Variants in PREX2 observed in about 807,000 individuals in gnomAD.
PREX2 encodes phosphatidylinositol 3,4,5-trisphosphate-dependent Rac exchanger 2 protein.
Under a neutral mutation model 203.2 loss-of-function variants are expected in PREX2, and 107 were observed. The ratio of observed to expected loss-of-function variants is 0.53; its 90% confidence interval spans 0.45 to 0.62. PREX2 has a LOEUF of 0.62. PREX2 is among the 20% of genes least tolerant of loss of function. The pLI is 0.00. For synonymous variants in PREX2, 672 were observed against 663.6 expected (o/e 1.01, Z -0.19); for missense variants, 1,777 against 1,955.9 (o/e 0.91, Z 1.72).
intron 33 of PREX2, among the ~76,000 whole-genome samples, chr8:68,139,369 A>C (rs1288473056): frequency 6.6e-6 from 1 of 152,104 alleles, no homozygotes; most frequent in Non-Finnish European, 1.5e-5. Context: ...CTGGGAGCAG[A>C]CATGGCATGC....
intron 8 of PREX2, among the ~76,000 whole-genome samples, chr8:68,047,948 T>G (rs1371153697): frequency 6.6e-6 from 1 of 152,040 alleles, no homozygotes; most frequent in Non-Finnish European, 1.5e-5. Flanking sequence ...TTCATAATAC[T>G]TAATGACTTG....
chr8:68,169,439 G>A (rs7836016), intron 35 of PREX2, among the ~76,000 whole-genome samples: 3,383 of 152,116 alleles, frequency 0.022, 144 homozygotes, highest in African/African-American at 0.077. Context: ...TGGAACAGAC[G>A]TGGAACAGGC....
intron 35 of PREX2, among the ~76,000 whole-genome samples, chr8:68,178,634 G>A (rs2129614388): frequency 6.6e-6 from 1 of 152,040 alleles, no homozygotes; most frequent in Non-Finnish European, 1.5e-5. Flanking sequence ...CACTGCATAT[G>A]CCAATATTTA....
At chr8:68,216,396 G>A (rs1812838878) in intron 37 of PREX2, among the ~76,000 whole-genome samples, 1 of 152,096 alleles carries the variant, frequency 6.6e-6, no homozygotes, top group South Asian at 2.1e-4. Flanking sequence ...CTACAGGGAG[G>A]TAAATGCAAA....
At position 68,047,512 on chromosome 8, in the gene PREX2, T is replaced by C. The variant is rs938433425; in HGVS notation, c.943+2922T>C. 5.6e-4 allele frequency among the ~76,000 whole-genome samples: 63 copies of C among 113,256 alleles called. 2 individuals carry two copies. Among genetic ancestry groups the C allele is most frequent in the African/African-American group, 4.4e-3 (60 of 13,564 alleles). 74.3% of individuals were successfully genotyped at this position (113,256 alleles called of 152,430 possible). A position where few individuals can be genotyped will look rare whatever the true frequency, so the allele number is the denominator to read the frequency against. ...ATATATATATATATATATATACACA[T>C]ACATATATATATATGTATTTTTTTA... On this transcript the variant is annotated intron_variant, in intron 8 of 39. Coordinates refer to ENST00000288368, the MANE Select transcript of PREX2 (RefSeq NM_024870.4).
intron 33 of PREX2, among the ~76,000 whole-genome samples, chr8:68,141,532 G>A (rs923017353): frequency 6.6e-6 from 1 of 152,160 alleles, no homozygotes; most frequent in Non-Finnish European, 1.5e-5. Context: ...TCCTATGAAG[G>A]AAATAAGCAG....
At chr8:68,127,153 A>C (rs1197517311) in intron 30 of PREX2, among the ~76,000 whole-genome samples, 1 of 152,108 alleles carries the variant, frequency 6.6e-6, no homozygotes, top group Non-Finnish European at 1.5e-5. Flanking sequence ...GTAGGCAAAC[A>C]GGCAAGCGTA....
chr8:68,001,261 A>T (rs1806930444), intron 1 of PREX2, among the ~76,000 whole-genome samples: 1 of 152,080 alleles, frequency 6.6e-6, no homozygotes, highest in African/African-American at 2.4e-5. Flanking sequence ...GAACAAACCC[A>T]TTAAAAACTG....
At chr8:68,015,511 G>T (rs1807385880) in intron 1 of PREX2, among the ~76,000 whole-genome samples, 1 of 152,192 alleles carries the variant, frequency 6.6e-6, no homozygotes, top group Admixed American at 6.5e-5. Context: ...ATATTTTGAT[G>T]CATTGTTACT....
intron 1 of PREX2, among the ~76,000 whole-genome samples, chr8:67,977,777 G>T (rs1806149802): frequency 6.6e-6 from 1 of 152,118 alleles, no homozygotes; most frequent in Non-Finnish European, 1.5e-5. Flanking sequence ...AAACCCCAAA[G>T]TACTAGGTTT....
intron 1 of PREX2, among the ~76,000 whole-genome samples, chr8:68,008,995 G>A (rs1807184280): frequency 6.6e-6 from 1 of 152,272 alleles, no homozygotes; most frequent in Middle Eastern, 3.4e-3. Context: ...AATAAAACAA[G>A]TTCATGTTAA....
intron 1 of PREX2, among the ~76,000 whole-genome samples, chr8:67,987,700 A>T (rs1049470265): frequency 1.3e-5 from 2 of 150,614 alleles, no homozygotes; most frequent in African/African-American, 4.9e-5. Context: ...TTCCCCTGCA[A>T]CCTCGCCTGC....
chr8:67,952,466 C>T lies in PREX2; in HGVS notation c.72C>T (p.Arg24=), dbSNP rs149564805. The change falls in exon 1 of 40, where the codon CGC becomes CGT. Residue 24 remains arginine, a synonymous_variant. Coordinates refer to ENST00000288368, the MANE Select transcript of PREX2 (RefSeq NM_024870.4). ...ACCTGGAGAAGCAGCTTCGCCTGCG[C>T]GTGTGCGTGCTCAGCGAGCTCCAGA... ...AKDLEKQLRL[R]VCVLSELQKT... The T allele has an allele frequency of 1.1e-5, 17 of 1,602,876 alleles. No individual in the cohort carries two copies. The highest frequency in any genetic ancestry group is 9.4e-6 in the Non-Finnish European group (11 of 1,175,176).
At chr8:68,201,764 A>G (rs542618094) in intron 37 of PREX2, among the ~76,000 whole-genome samples, 26 of 152,256 alleles carry the variant, frequency 1.7e-4, no homozygotes, top group African/African-American at 5.8e-4. Context: ...ATTAACCATC[A>G]TAGGGCTGAA....
chr8:68,031,229 A>G (rs767511728), intron 6 of PREX2, among the ~76,000 whole-genome samples: 3 of 152,188 alleles, frequency 2.0e-5, no homozygotes, highest in Non-Finnish European at 4.4e-5. Flanking sequence ...GTTTTCAGCT[A>G]ATGGTAACTT....
At chr8:68,109,281 T>G (rs1810484667) in intron 24 of PREX2, 135 bp from the exon 25 acceptor site, 1 of 650,108 alleles carries the variant, frequency 1.5e-6, no homozygotes, top group Admixed American at 3.0e-5. Context: ...CATATATACG[T>G]CAAAACATCA....
intron 13 of PREX2, 135 bp downstream of exon 13, chr8:68,070,019 A>T: frequency 2.2e-6 from 1 of 447,898 alleles, no homozygotes; most frequent in Non-Finnish European, 3.9e-6. Context: ...ATTTTAAGGA[A>T]TAATTTATTG....
intron 7 of PREX2, among the ~76,000 whole-genome samples, chr8:68,039,369 C>T (rs1022428482): frequency 6.6e-6 from 1 of 152,148 alleles, no homozygotes; most frequent in Non-Finnish European, 1.5e-5. Flanking sequence ...AGCAATCCTA[C>T]CTTCCCAAAA....
chr8:68,103,514 AAAAG>A (rs1265348513), intron 23 of PREX2: 1 of 518,078 alleles, frequency 1.9e-6, no homozygotes, highest in Non-Finnish European at 3.8e-6. Context: ...ACCTACATTA[AAAAG>A]AAATAGCCCT....
Sources: allele counts gnomAD v4.1 joint callset (sites outside exome capture counted in the v4.1 genomes callset), GRCh38; gene constraint gnomAD v4.1.1; transcripts MANE v1.5; gene names NCBI Gene and HGNC (gene_info 2026-07-23, HGNC 2026-07-21).